The following TEAD1 variants were observed in gnomAD, a reference collection of about 807,000 sequenced individuals.
TEAD1 encodes TEA domain transcription factor 1, also known as transcriptional enhancer factor TEF-1.
TEAD1 carries 9 observed loss-of-function variants against 54.9 expected under a neutral mutation model. That is an observed-to-expected ratio of 0.16 (90% CI 0.10 to 0.29). The LOEUF (loss-of-function observed/expected upper bound fraction) is 0.29. Ranked by LOEUF, TEAD1 falls within the 10% of genes least tolerant of loss-of-function variation. The pLI, the probability that TEAD1 is intolerant of heterozygous loss-of-function variation, is 1.00. For synonymous variants in TEAD1, 200 were observed against 187.8 expected (o/e 1.07, Z -0.53); for missense variants, 387 against 535.9 (o/e 0.72, Z 2.74).
chr11:12,760,089 A>G (rs1359613684), intron 2 of TEAD1, among the ~76,000 whole-genome samples: 2 of 152,242 alleles, frequency 1.3e-5, no homozygotes, highest in Non-Finnish European at 2.9e-5. Flanking sequence ...GGTCCTTTGT[A>G]AATCAGTTTC....
At chr11:12,903,000 G>C (rs550369707) in intron 10 of TEAD1, among the ~76,000 whole-genome samples, 37 of 152,278 alleles carry the variant, frequency 2.4e-4, no homozygotes, top group African/African-American at 8.9e-4. Context: ...CCCATGCTGT[G>C]TCATGATTGT....
chr11:12,835,124 C>T (rs568379758), intron 3 of TEAD1, among the ~76,000 whole-genome samples: 2 of 152,174 alleles, frequency 1.3e-5, no homozygotes, highest in African/African-American at 2.4e-5. Context: ...GGAGCTAATG[C>T]ACCAAAACCG....
chr11:12,840,668 G>A (rs952518623), intron 3 of TEAD1, among the ~76,000 whole-genome samples: 1 of 152,204 alleles, frequency 6.6e-6, no homozygotes, highest in South Asian at 2.1e-4. Flanking sequence ...ATCTTCTCTC[G>A]AGGCTGAAGG....
At chr11:12,732,180 C>T (rs998664920) in intron 2 of TEAD1, among the ~76,000 whole-genome samples, 1 of 151,978 alleles carries the variant, frequency 6.6e-6, no homozygotes. Context: ...GAGATAGTAT[C>T]AGGAATAGAC....
chr11:12,824,030 T>G (rs1169834916), intron 3 of TEAD1, among the ~76,000 whole-genome samples: 1 of 152,224 alleles, frequency 6.6e-6, no homozygotes, highest in African/African-American at 2.4e-5. Flanking sequence ...TGAGAACGTC[T>G]GTAAAATTAA....
intron 2 of TEAD1, among the ~76,000 whole-genome samples, chr11:12,725,187 T>C (rs1323880730): frequency 2.0e-5 from 3 of 152,202 alleles, no homozygotes; most frequent in Admixed American, 1.3e-4. Flanking sequence ...TACCCCACTT[T>C]ATGGATGAGG....
chr11:12,787,490 C>T (rs952109648), intron 3 of TEAD1, among the ~76,000 whole-genome samples: 8 of 152,066 alleles, frequency 5.3e-5, no homozygotes, highest in African/African-American at 7.2e-5. Context: ...GAAGATAATT[C>T]GGTAAAAATA....
At chr11:12,821,181 C>A (rs994213339) in intron 3 of TEAD1, among the ~76,000 whole-genome samples, 3 of 152,136 alleles carry the variant, frequency 2.0e-5, no homozygotes, top group African/African-American at 7.2e-5. Flanking sequence ...TTTCAAGGGC[C>A]TGTGTATGGT....
chr11:12,692,297 T>G (rs1043288614), intron 2 of TEAD1, among the ~76,000 whole-genome samples: 2 of 152,202 alleles, frequency 1.3e-5, no homozygotes, highest in African/African-American at 4.8e-5. Context: ...AGAGTTTCCA[T>G]TCAGACCTAC....
At position 12,938,526 on chromosome 11, in the gene TEAD1, C is replaced by T. The variant is rs1214114479; in HGVS notation, c.*1304C>T. The T allele has an allele frequency of 2.0e-5, 3 of 152,224 alleles. No individual in the cohort carries two copies. Among genetic ancestry groups the T allele is most frequent in the African/African-American group, 7.2e-5 (3 of 41,440 alleles). The allele number at this position is 152,224 out of a possible 1,614,324, so 9.4% of individuals were successfully genotyped here. Reference sequence around the variant, plus strand: ...TAGGTGCTGATATGTACGTATATCTCAATGTGTCTGTAGACTTAGATACAT... The same window carrying T: ...TAGGTGCTGATATGTACGTATATCTTAATGTGTCTGTAGACTTAGATACAT... On this transcript the variant is annotated 3_prime_UTR_variant, in exon 13 of 13. Transcript: ENST00000527636.
intron 3 of TEAD1, among the ~76,000 whole-genome samples, chr11:12,796,776 G>A (rs575769601): frequency 6.6e-6 from 1 of 151,940 alleles, no homozygotes; most frequent in South Asian, 2.1e-4. Flanking sequence ...ACATGGAAGA[G>A]TTATTGGAAG....
chr11:12,715,136 T>C (rs1345886861), intron 2 of TEAD1, among the ~76,000 whole-genome samples: 1 of 152,092 alleles, frequency 6.6e-6, no homozygotes, highest in East Asian at 1.9e-4. Context: ...AGTTTAGTGG[T>C]CTTCAGTCAC....
At chr11:12,691,555 T>C (rs1004741201) in intron 2 of TEAD1, among the ~76,000 whole-genome samples, 6 of 152,212 alleles carry the variant, frequency 3.9e-5, no homozygotes, top group Non-Finnish European at 8.8e-5. Flanking sequence ...CTGGCCTCTT[T>C]GGCTCTCATT....
In TEAD1 at chr11:12,911,740, A is replaced by G. The variant is rs11022543; in HGVS notation, c.873+9627A>G. Among the ~76,000 whole-genome samples, 1,216 of 151,668 alleles carry G rather than the reference A, an allele frequency of 8.0e-3. 22 individuals carry two copies. The highest frequency in any genetic ancestry group is 0.028 in the African/African-American group (1,155 of 41,254). Reference sequence around the variant, plus strand: ...TGCTATTGTAAGCACAGGAAGAGAGAAATCAATACATTTGTATATCTGCCC... The same window carrying G: ...TGCTATTGTAAGCACAGGAAGAGAGGAATCAATACATTTGTATATCTGCCC... On this transcript the variant is annotated intron_variant, in intron 10 of 12. Coordinates refer to ENST00000527636, the MANE Select transcript of TEAD1 (RefSeq NM_021961.6).
chr11:12,697,356 G>A (rs1203076644), intron 2 of TEAD1, among the ~76,000 whole-genome samples: 5 of 152,348 alleles, frequency 3.3e-5, no homozygotes, highest in African/African-American at 1.2e-4. Flanking sequence ...GACCAGTATG[G>A]TTGGGGACCC....
intron 3 of TEAD1, among the ~76,000 whole-genome samples, chr11:12,830,568 A>G (rs1564955439): frequency 6.6e-6 from 1 of 152,142 alleles, no homozygotes; most frequent in Non-Finnish European, 1.5e-5. Flanking sequence ...GACACAGCCC[A>G]GCCCCTTTGT....
At chr11:12,825,217 T>TTA (rs1360834987) in intron 3 of TEAD1, among the ~76,000 whole-genome samples, 1 of 152,174 alleles carries the variant, frequency 6.6e-6, no homozygotes, top group Non-Finnish European at 1.5e-5. Flanking sequence ...CTTTTGCTAC[T>TTA]TATATTTAAA....
At chr11:12,858,194 G>A (rs1947430506) in intron 3 of TEAD1, among the ~76,000 whole-genome samples, 1 of 152,158 alleles carries the variant, frequency 6.6e-6, no homozygotes, top group African/African-American at 2.4e-5. Context: ...GATACACCAT[G>A]CATATACAAT....
chr11:12,858,135 T>G (rs890401658), intron 3 of TEAD1, among the ~76,000 whole-genome samples: 4 of 152,064 alleles, frequency 2.6e-5, no homozygotes, highest in African/African-American at 9.7e-5. Flanking sequence ...AGATAGGACT[T>G]AGGATGTCGT....
Sources: allele counts gnomAD v4.1 joint callset (sites outside exome capture counted in the v4.1 genomes callset), GRCh38; gene constraint gnomAD v4.1.1; transcripts MANE v1.5; gene names NCBI Gene and HGNC (gene_info 2026-07-23, HGNC 2026-07-21).